The following CNNM2 variants were observed in gnomAD, a reference collection of about 807,000 sequenced individuals.
CNNM2 encodes the protein metal transporter CNNM2.
Under a neutral mutation model 66.9 loss-of-function variants are expected in CNNM2, and 12 were observed. The observed-to-expected ratio is 0.18, with a 90% confidence interval of 0.11 to 0.29. CNNM2 has a LOEUF of 0.29. Among genes scored for constraint, CNNM2 ranks in the 10% least tolerant of loss-of-function variants. The pLI is 1.00. For synonymous variants in CNNM2, 557 were observed against 501.8 expected (o/e 1.11, Z -1.47); for missense variants, 705 against 1,167.7 (o/e 0.60, Z 5.77).
In CNNM2 at chr10:103,089,935, G is replaced by A. The variant is rs1258852846; in HGVS notation, c.*12755G>A. ...TAGACAGAAAAAAGCTAGAGGCTCAGAAAGCAGGCAGAGCAAAGTAGCTAC... is the reference window on the plus strand; with the variant it reads ...TAGACAGAAAAAAGCTAGAGGCTCAAAAAGCAGGCAGAGCAAAGTAGCTAC... On this transcript the variant is annotated 3_prime_UTR_variant, in exon 8 of 8. Coordinates refer to ENST00000369878, the MANE Select transcript of CNNM2 (RefSeq NM_017649.5). The A allele has an allele frequency of 1.3e-6, 2 of 1,555,996 alleles. No homozygotes were observed. Among genetic ancestry groups the A allele is most frequent in the Admixed American group, 1.9e-5 (1 of 51,814 alleles).
intron 1 of CNNM2, among the ~76,000 whole-genome samples, chr10:102,987,265 T>C (rs546204537): frequency 2.0e-5 from 3 of 152,180 alleles, no homozygotes; most frequent in Non-Finnish European, 2.9e-5. Context: ...TGCCTTGGGA[T>C]GCAGTAGGAC....
At chr10:103,049,349 C>G (rs566590662) in intron 1 of CNNM2, among the ~76,000 whole-genome samples, 2 of 152,272 alleles carry the variant, frequency 1.3e-5, no homozygotes, top group African/African-American at 4.8e-5. Flanking sequence ...TCATGGACCT[C>G]CTATAAGGGT....
rs1203876598 is a variant in CNNM2 at position 102,919,273 on chromosome 10, C to T, written c.793C>T (p.Leu265=). 1.2e-6 allele frequency: 2 copies of T among 1,613,904 alleles called. No homozygotes were observed. Among genetic ancestry groups the T allele is most frequent in the Non-Finnish European group, 1.7e-6 (2 of 1,180,044 alleles). ...GCTGCAGGTGATCTTCATTTCGCTGCTGCTGTGCCTGTCGGGCATGTTCAG... is the reference window on the plus strand; with the variant it reads ...GCTGCAGGTGATCTTCATTTCGCTGTTGCTGTGCCTGTCGGGCATGTTCAG... ...FWLQVIFISL[L]LCLSGMFSGL... Residue 265 remains leucine, a synonymous_variant, in exon 1 of 8, where the codon CTG becomes TTG. Coordinates refer to ENST00000369878, the MANE Select transcript of CNNM2 (RefSeq NM_017649.5).
At chr10:102,975,486 A>AC (rs1286984656) in intron 1 of CNNM2, among the ~76,000 whole-genome samples, 54 of 151,340 alleles carry the variant, frequency 3.6e-4, no homozygotes, top group African/African-American at 1.2e-3. Flanking sequence ...AAAAAAAAAA[A>AC]AACAAACCTC....
rs1394098713 is a variant in CNNM2, at chr10:103,076,191, A to C, written c.2339A>C (p.Asn780Thr). ...ACACCAACACTGGGGAGCAGCAATA[A>C]CCAGCTCAATTCTTCGCTCCTCCAA... ...AVTPTLGSSN[N>T]QLNSSLLQVY... Residue 780 changes from asparagine (N) to threonine (T), a missense_variant, in exon 7 of 8, where the codon AAC becomes ACC. By Grantham distance (65) the Asn-to-Thr change is moderately conservative (BLOSUM62 0). Coordinates refer to ENST00000369878, the MANE Select transcript of CNNM2 (RefSeq NM_017649.5). The C allele has an allele frequency of 6.3e-7, 1 of 1,599,236 alleles. No homozygotes were observed. The highest frequency in any genetic ancestry group is 1.3e-5 in the African/African-American group (1 of 74,704).
chr10:102,970,059 G>C lies in CNNM2; in HGVS notation c.1621+49958G>C, dbSNP rs11191485. On this transcript the variant is annotated intron_variant, in intron 1 of 7. Transcript: ENST00000369878. ...TTTTTACTCTTTCTTTTTGAGATTT[G>C]TAAAATTATCCTCTGATATAAACTA... 0.31 allele frequency among the ~76,000 whole-genome samples: 47,584 copies of C among 152,170 alleles called. 7,564 individuals are homozygous for C. Among genetic ancestry groups the C allele is most frequent in the Middle Eastern group, 0.37 (109 of 294 alleles).
Position 103,077,020 on chromosome 10 carries a change from A to C in CNNM2, c.2468A>C (p.Lys823Thr), listed in dbSNP as rs1564873556. 6.2e-7 allele frequency: 1 copy of C among 1,613,984 alleles called. No individual in the cohort carries two copies. ...GCCTTGATGGCATCCCGGATGGACAAAACCCCCCAGTCTTCAGACAGTGAA... is the reference window on the plus strand; with the variant it reads ...GCCTTGATGGCATCCCGGATGGACACAACCCCCCAGTCTTCAGACAGTGAA... ...QNALMASRMD[K>T]TPQSSDSENT... The change falls in exon 8 of 8, where the codon AAA becomes ACA. Residue 823 changes from lysine (K) to threonine (T), a missense_variant. Transcript: ENST00000369878.
intron 1 of CNNM2, among the ~76,000 whole-genome samples, chr10:102,955,584 G>A (rs889040802): frequency 3.3e-5 from 5 of 152,152 alleles, no homozygotes; most frequent in African/African-American, 1.2e-4. Context: ...AGAGTGAACA[G>A]GCAACCTACA....
At chr10:102,924,713 T>C (rs551204760) in intron 1 of CNNM2, among the ~76,000 whole-genome samples, 34 of 151,236 alleles carry the variant, frequency 2.2e-4, no homozygotes, top group Non-Finnish European at 4.3e-4. Context: ...CAAGCAATCC[T>C]CCCATCTGAG....
rs2065750618 is a variant in CNNM2, at chr10:103,080,801, G to C, written c.*3621G>C. On this transcript the variant is annotated 3_prime_UTR_variant, in exon 8 of 8. Transcript: ENST00000369878. ...AGAAATACATTTTCCCTAGGAAATAGAGCAATAGGAATTTGAGCTAAGCAG... is the reference window on the plus strand; with the variant it reads ...AGAAATACATTTTCCCTAGGAAATACAGCAATAGGAATTTGAGCTAAGCAG... 1 of 152,246 alleles carries C rather than the reference G, an allele frequency of 6.6e-6. No individual in the cohort carries two copies. Among genetic ancestry groups the C allele is most frequent in the Non-Finnish European group, 1.5e-5 (1 of 68,038 alleles). The allele number at this position is 152,246 out of a possible 1,614,324, so 9.4% of individuals were successfully genotyped here.
At chr10:103,060,670 T>C (rs2065369716) in intron 4 of CNNM2, among the ~76,000 whole-genome samples, 2 of 152,252 alleles carry the variant, frequency 1.3e-5, no homozygotes, top group South Asian at 4.1e-4. Context: ...TAGTGTATAA[T>C]GTACTCTCTT....
chr10:102,945,492 C>T (rs1412965308), intron 1 of CNNM2, among the ~76,000 whole-genome samples: 1 of 152,132 alleles, frequency 6.6e-6, no homozygotes, highest in African/African-American at 2.4e-5. Context: ...TGCGTACATT[C>T]CTTTATTCAT....
At chr10:102,947,465 A>G (rs895696875) in intron 1 of CNNM2, among the ~76,000 whole-genome samples, 1 of 152,124 alleles carries the variant, frequency 6.6e-6, no homozygotes, top group Non-Finnish European at 1.5e-5. Flanking sequence ...AAAAAAAACC[A>G]CTGACTGCTG....
intron 1 of CNNM2, among the ~76,000 whole-genome samples, chr10:102,967,521 C>T (rs530238330): frequency 2.6e-5 from 4 of 152,310 alleles, no homozygotes; most frequent in African/African-American, 4.8e-5. Flanking sequence ...TAAAAGGAAT[C>T]ATAGGTAGTC....
At chr10:102,969,868 C>T (rs2063523419) in intron 1 of CNNM2, among the ~76,000 whole-genome samples, 1 of 151,990 alleles carries the variant, frequency 6.6e-6, no homozygotes, top group African/African-American at 2.4e-5. Context: ...GTCTCAAGCT[C>T]CTGACCTCAG....
chr10:102,920,181 C>T, intron 1 of CNNM2, 80 bp downstream of exon 1: 4 of 1,612,080 alleles, frequency 2.5e-6, no homozygotes, highest in Non-Finnish European at 3.4e-6. Flanking sequence ...TACCCTCAGA[C>T]CAACCCCCCA....
intron 1 of CNNM2, among the ~76,000 whole-genome samples, chr10:102,959,448 C>G (rs1162235748): frequency 6.6e-6 from 1 of 152,204 alleles, no homozygotes; most frequent in Non-Finnish European, 1.5e-5. Flanking sequence ...ATGCAAATGT[C>G]CCATTCTCAG....
chr10:102,999,192 T>A (rs1437770993), intron 1 of CNNM2, among the ~76,000 whole-genome samples: 1 of 151,156 alleles, frequency 6.6e-6, no homozygotes, highest in African/African-American at 2.4e-5. Flanking sequence ...CGCCTCAGCC[T>A]CCCGAGTAGC....
At chr10:102,972,303 C>T (rs1312578813) in intron 1 of CNNM2, among the ~76,000 whole-genome samples, 1 of 151,990 alleles carries the variant, frequency 6.6e-6, no homozygotes, top group Non-Finnish European at 1.5e-5. Context: ...ATGTGGGGTC[C>T]AAATCTGTGG....
Sources: allele counts gnomAD v4.1 joint callset (sites outside exome capture counted in the v4.1 genomes callset), GRCh38; gene constraint gnomAD v4.1.1; transcripts MANE v1.5; gene names NCBI Gene and HGNC (gene_info 2026-07-23, HGNC 2026-07-21).